NOXRED1: variants seen among roughly 807,000 people sequenced by gnomAD.
NOXRED1 encodes NADP-dependent oxidoreductase domain-containing protein 1.
In NOXRED1, 20 loss-of-function variants were observed where a neutral mutation model predicts 30.4. The ratio of observed to expected loss-of-function variants is 0.66; its 90% CI spans 0.46 to 0.96. NOXRED1 has a LOEUF of 0.96. Among genes scored for constraint, NOXRED1 ranks in the 40% least tolerant of loss-of-function variants. The pLI is 0.00. For synonymous variants in NOXRED1, 155 were observed against 168.0 expected (o/e 0.92, Z 0.60); for missense variants, 374 against 428.0 (o/e 0.87, Z 1.11).
At chr14:77,425,026 G>A (rs868102295), upstream of NOXRED1, among the ~76,000 whole-genome samples, 3 of 152,164 alleles carry the variant, frequency 2.0e-5, no homozygotes, top group Non-Finnish European at 4.4e-5. Flanking sequence ...TCCTGGGCCA[G>A]GTGTTTTTCA....
chr14:77,421,266 C>T (rs1894985739), intron 1 of NOXRED1, among the ~76,000 whole-genome samples: 1 of 152,192 alleles, frequency 6.6e-6, no homozygotes, highest in African/African-American at 2.4e-5. Context: ...CAGGGCACTA[C>T]AATTTCTTAA....
At chr14:77,414,758 G>A (rs111747353) in intron 1 of NOXRED1, among the ~76,000 whole-genome samples, 15 of 152,264 alleles carry the variant, frequency 9.9e-5, no homozygotes, top group African/African-American at 3.6e-4. Flanking sequence ...CACTGGCTCA[G>A]GACACCACTG....
intron 5 of NOXRED1, among the ~76,000 whole-genome samples, chr14:77,399,977 A>AG (rs1249146726): frequency 6.6e-6 from 1 of 152,278 alleles, no homozygotes; most frequent in African/African-American, 2.4e-5. Context: ...GATAAGCCAG[A>AG]GGGAAAAAAA....
intron 2 of NOXRED1, among the ~76,000 whole-genome samples, chr14:77,407,948 A>ACCTC (rs976543789): frequency 3.3e-5 from 5 of 150,436 alleles, no homozygotes; most frequent in African/African-American, 9.8e-5. Flanking sequence ...GCTCACTGCA[A>ACCTC]CCTCCGCCTC....
intron 2 of NOXRED1, among the ~76,000 whole-genome samples, chr14:77,408,055 A>C (rs1403572293): frequency 6.6e-6 from 1 of 151,948 alleles, no homozygotes; most frequent in East Asian, 1.9e-4. Context: ...TTTAGTAGAG[A>C]CGGGGTTTCA....
At chr14:77,415,680 A>G (rs1281452648) in intron 1 of NOXRED1, among the ~76,000 whole-genome samples, 1 of 151,772 alleles carries the variant, frequency 6.6e-6, no homozygotes, top group African/African-American at 2.4e-5. Context: ...GCTCTTTAGA[A>G]CCTTTCCATC....
At chr14:77,419,489 C>G (rs1894928210) in intron 1 of NOXRED1, among the ~76,000 whole-genome samples, 1 of 146,036 alleles carries the variant, frequency 6.8e-6, no homozygotes, top group Non-Finnish European at 1.5e-5. Context: ...CGCTCTTTCG[C>G]CCAGGCTGGA....
chr14:77,400,323 A>T (rs1566706130), intron 5 of NOXRED1, among the ~76,000 whole-genome samples: 1 of 152,186 alleles, frequency 6.6e-6, no homozygotes, highest in Non-Finnish European at 1.5e-5. Context: ...CTTACTCCTA[A>T]CTGATCTAAC....
chr14:77,409,541 T>C (rs908990158), intron 2 of NOXRED1, among the ~76,000 whole-genome samples: 4 of 152,192 alleles, frequency 2.6e-5, no homozygotes, highest in Non-Finnish European at 5.9e-5. Flanking sequence ...AGTATCTTTA[T>C]AGCAGTGTGA....
chr14:77,408,209 T>G (rs1894536189), intron 2 of NOXRED1, among the ~76,000 whole-genome samples: 2 of 152,098 alleles, frequency 1.3e-5, no homozygotes, highest in South Asian at 2.1e-4. Context: ...AGTGCTGGAA[T>G]TTTTCCAATT....
chr14:77,416,187 AT>A (rs1341066600), intron 1 of NOXRED1, among the ~76,000 whole-genome samples: 7 of 151,910 alleles, frequency 4.6e-5, no homozygotes, highest in Non-Finnish European at 1.0e-4. Flanking sequence ...CAATTTTTGG[AT>A]TTTTTTTCTA....
rs1894742175 is a variant in NOXRED1, at chr14:77,414,090, A to T, written c.193T>A (p.Ser65Thr). The change falls in exon 2 of 6, where the codon TCA (serine) becomes ACA (threonine). Residue 65 changes from serine (S) to threonine (T), a missense_variant. Coordinates refer to ENST00000380835, the MANE Select transcript of NOXRED1 (RefSeq NM_001113475.3). ...GTGGCTGAATTAAGGGAGCCAATTG[A>T]GAGATGTCTGGAACTTTGATTCTTA... Reference protein sequence around the residue: ...LNKNQSSRHLSIGSLNSATPE... With the variant: ...LNKNQSSRHLTIGSLNSATPE... The T allele has an allele frequency of 1.9e-6, 3 of 1,604,852 alleles. No homozygotes were observed. The highest frequency in any genetic ancestry group is 2.6e-6 in the Non-Finnish European group (3 of 1,173,444).
Position 77,406,832 on chromosome 14 carries a change from A to G in NOXRED1, c.574T>C (p.Tyr192His). The G allele has an allele frequency of 6.2e-7, 1 of 1,614,110 alleles. No individual in the cohort carries two copies. ...CTGACAGAATCTTCATCATACTGAT[A>G]CTGAGGCCGCAAGATATTGGTGTGG... ...LNHTNILRPQ[Y>H]QYDEDSVSVW... The change falls in exon 4 of 6, where the codon TAT (tyrosine) becomes CAT (histidine). Residue 192 changes from tyrosine to histidine, a missense_variant. By Grantham distance (83) the Tyr-to-His change is moderately conservative. Coordinates refer to ENST00000380835, the MANE Select transcript of NOXRED1 (RefSeq NM_001113475.3).
chr14:77,418,715 G>T (rs1894902740), intron 1 of NOXRED1, among the ~76,000 whole-genome samples: 1 of 150,884 alleles, frequency 6.6e-6, no homozygotes, highest in Non-Finnish European at 1.5e-5. Context: ...TTTTTTAAGA[G>T]ATGTTGTCTC....
chr14:77,413,239 C>CTTT (rs869173262), intron 2 of NOXRED1, among the ~76,000 whole-genome samples: 3 of 137,166 alleles, frequency 2.2e-5, no homozygotes, highest in Non-Finnish European at 4.8e-5. Flanking sequence ...CATTACAAAA[C>CTTT]TTTTTTTTTT....
chr14:77,401,328 C>T (rs142464256), intron 5 of NOXRED1, among the ~76,000 whole-genome samples: 3,748 of 151,698 alleles, frequency 0.025, 65 homozygotes, highest in Non-Finnish European at 0.038. Context: ...GCCAAGATGG[C>T]GCCACTGCAC....
chr14:77,403,356 T>C (rs1323515745), intron 5 of NOXRED1, among the ~76,000 whole-genome samples: 1 of 152,210 alleles, frequency 6.6e-6, no homozygotes, highest in African/African-American at 2.4e-5. Flanking sequence ...TCCATATGCC[T>C]ATCACTCAGA....
At chr14:77,419,936 G>A (rs147801154) in intron 1 of NOXRED1, among the ~76,000 whole-genome samples, 2 of 152,206 alleles carry the variant, frequency 1.3e-5, no homozygotes, top group East Asian at 1.9e-4. Context: ...ATTATAACGT[G>A]TCTCTGTGTG....
upstream of NOXRED1, among the ~76,000 whole-genome samples, chr14:77,424,998 C>T (rs1402990895): frequency 6.6e-6 from 1 of 152,196 alleles, no homozygotes; most frequent in Admixed American, 6.5e-5. Context: ...TTCCCTGGTT[C>T]CTTCTTCAGT....
Sources: gnomAD v4.1 joint callset for allele counts (sites outside exome capture counted in the v4.1 genomes callset) on GRCh38, gnomAD v4.1.1 for gene constraint, MANE v1.5 for transcripts, NCBI Gene and HGNC (gene_info 2026-07-23, HGNC 2026-07-21) for gene names.